GRIA2: variants seen among roughly 807,000 people sequenced by gnomAD.
GRIA2 encodes glutamate receptor 2.
GRIA2 carries 14 observed loss-of-function variants against 97.3 expected under a neutral mutation model. That is an observed-to-expected ratio of 0.14 (90% CI 0.10 to 0.23). The LOEUF is 0.23. Among genes scored for constraint, GRIA2 ranks in the 10% least tolerant of loss-of-function variants. The pLI is 1.00. For missense variants in GRIA2, 558 were observed against 1,069.8 expected (o/e 0.52, Z 6.67); for synonymous variants, 412 against 387.8 (o/e 1.06, Z -0.73).
At chr4:157,274,200 C>A (rs1732170353) in intron 2 of GRIA2, among the ~76,000 whole-genome samples, 1 of 151,674 alleles carries the variant, frequency 6.6e-6, no homozygotes, top group African/African-American at 2.4e-5. Context: ...TGCCGGTAGA[C>A]CTACCTTGCA....
intron 5 of GRIA2, among the ~76,000 whole-genome samples, chr4:157,320,090 A>G (rs1300021856): frequency 1.3e-5 from 2 of 152,136 alleles, no homozygotes; most frequent in Non-Finnish European, 2.9e-5. Context: ...TAGGCATGAA[A>G]TGTTTTCATG....
intron 2 of GRIA2, among the ~76,000 whole-genome samples, chr4:157,294,525 C>T (rs1303985075): frequency 6.6e-6 from 1 of 151,454 alleles, no homozygotes; most frequent in Non-Finnish European, 1.5e-5. Context: ...AAATGTAAAA[C>T]AAAGAGGAAG....
intron 2 of GRIA2, among the ~76,000 whole-genome samples, chr4:157,244,029 G>C (rs1730622834): frequency 6.6e-6 from 1 of 151,948 alleles, no homozygotes; most frequent in East Asian, 1.9e-4. Flanking sequence ...CAATATGTTA[G>C]GTAGGCTGAG....
At chr4:157,309,232 A>G (rs1352975877) in intron 3 of GRIA2, among the ~76,000 whole-genome samples, 2 of 152,110 alleles carry the variant, frequency 1.3e-5, no homozygotes, top group African/African-American at 2.4e-5. Context: ...TAGGTTCCAT[A>G]GGTTACAAAA....
At chr4:157,242,008 G>C (rs1364894224) in intron 2 of GRIA2, among the ~76,000 whole-genome samples, 1 of 151,914 alleles carries the variant, frequency 6.6e-6, no homozygotes, top group Non-Finnish European at 1.5e-5. Flanking sequence ...ATTATAAGTT[G>C]CTTTTCTTTT....
At chr4:157,338,006 GTGTA>G (rs1735367844) in intron 11 of GRIA2, among the ~76,000 whole-genome samples, 3 of 59,860 alleles carry the variant, frequency 5.0e-5, no homozygotes, top group Admixed American at 2.0e-4. Flanking sequence ...GTATATATAT[GTGTA>G]TATATATATA....
intron 2 of GRIA2, among the ~76,000 whole-genome samples, chr4:157,264,454 T>G (rs2126775796): frequency 6.6e-6 from 1 of 152,208 alleles, no homozygotes; most frequent in Non-Finnish European, 1.5e-5. Context: ...ACTCTCCTTC[T>G]TTTGAATTCC....
At chr4:157,247,742 A>C (rs1232669872) in intron 2 of GRIA2, among the ~76,000 whole-genome samples, 1 of 152,058 alleles carries the variant, frequency 6.6e-6, no homozygotes, top group East Asian at 1.9e-4. Context: ...TACAGCTCTG[A>C]CTTAAAGGGA....
In GRIA2 at chr4:157,220,742, G is replaced by T. The variant is rs1057143873; in HGVS notation, c.-301G>T. ...CGAGAGAGGGTGAGTGTGTGTGAGT[G>T]CATGGGAGGGTGCTGAATATTCCGA... On this transcript the variant is annotated 5_prime_UTR_variant, in exon 1 of 16. Transcript: ENST00000264426. The T allele has an allele frequency of 1.2e-4, 56 of 464,914 alleles. No homozygotes were observed. The Admixed American group carries it at 1.9e-3, about 16-fold the overall frequency. 28.8% of individuals were successfully genotyped at this position (464,914 alleles called of 1,614,324 possible).
chr4:157,290,600 T>A (rs1733052790), intron 2 of GRIA2, among the ~76,000 whole-genome samples: 1 of 151,728 alleles, frequency 6.6e-6, no homozygotes, highest in Admixed American at 6.6e-5. Context: ...CATATTTTAG[T>A]TTTCCTAACT....
intron 6 of GRIA2, among the ~76,000 whole-genome samples, chr4:157,323,064 A>C (rs930061467): frequency 6.6e-6 from 1 of 152,008 alleles, no homozygotes; most frequent in African/African-American, 2.4e-5. Flanking sequence ...GGCCGGGCGC[A>C]GTGGCTCACG....
At chr4:157,279,361 T>G (rs1429850615) in intron 2 of GRIA2, among the ~76,000 whole-genome samples, 3 of 152,164 alleles carry the variant, frequency 2.0e-5, no homozygotes, top group African/African-American at 7.2e-5. Context: ...ACATTCTGTG[T>G]GATTCCAATT....
intron 2 of GRIA2, among the ~76,000 whole-genome samples, chr4:157,301,677 A>AT (rs1440053972): frequency 1.3e-5 from 2 of 152,194 alleles, no homozygotes; most frequent in African/African-American, 2.4e-5. Context: ...AAACAAATCT[A>AT]TTTTTTCTAC....
At chr4:157,281,872 T>TGA (rs1732614924) in intron 2 of GRIA2, among the ~76,000 whole-genome samples, 2 of 152,120 alleles carry the variant, frequency 1.3e-5, no homozygotes, top group African/African-American at 4.8e-5. Flanking sequence ...ACTTGCAAAT[T>TGA]GAACAGGTCT....
At position 157,360,256 on chromosome 4, in the gene GRIA2, C is replaced by G. The variant is rs961330689; in HGVS notation, c.2291+113C>G. On this transcript the variant is annotated intron_variant, in intron 13 of 15. Transcript: ENST00000264426. ...ATACGGATATGAGGTAACTCACCAT[C>G]ACAAAAATGACCAAAAAACGTTTCT... 1.5e-5 allele frequency: 16 copies of G among 1,064,856 alleles called. No individual in the cohort carries two copies. The African/African-American group carries it at 2.6e-4, about 17-fold the overall frequency. 66.0% of individuals were successfully genotyped at this position (1,064,856 alleles called of 1,614,324 possible).
chr4:157,326,035 A>G (rs986242925), intron 6 of GRIA2, among the ~76,000 whole-genome samples: 6 of 152,116 alleles, frequency 3.9e-5, no homozygotes, highest in African/African-American at 1.2e-4. Flanking sequence ...CCTGTCACCC[A>G]GTCCCATGGA....
intron 11 of GRIA2, 112 bp from the exon 12 acceptor site, chr4:157,341,152 A>G: frequency 1.3e-6 from 1 of 746,570 alleles, no homozygotes; most frequent in South Asian, 1.7e-5. Flanking sequence ...TACATTGAAA[A>G]ATATAAAATT....
At position 157,365,199 on chromosome 4, in the gene GRIA2, G is replaced by A. The variant is rs976517641; in HGVS notation, c.*1768G>A. On this transcript the variant is annotated 3_prime_UTR_variant, in exon 16 of 16. Transcript: ENST00000264426. Reference sequence around the variant, plus strand: ...ACAGTAAGCACTTGCATTGAACATGGAGGCATGTGGTATCATGATATTCTT... The same window carrying A: ...ACAGTAAGCACTTGCATTGAACATGAAGGCATGTGGTATCATGATATTCTT... 6.6e-6 allele frequency: 1 copy of A among 151,612 alleles called. No individual in the cohort carries two copies. The highest frequency in any genetic ancestry group is 2.4e-5 in the African/African-American group (1 of 41,390). The allele number at this position is 151,612 out of a possible 1,614,324, so 9.4% of individuals were successfully genotyped here. A position where few individuals can be genotyped will look rare whatever the true frequency, so the allele number is the denominator to read the frequency against.
intron 12 of GRIA2, among the ~76,000 whole-genome samples, chr4:157,341,853 C>T (rs1405823952): frequency 6.6e-6 from 1 of 152,122 alleles, no homozygotes; most frequent in East Asian, 1.9e-4. Flanking sequence ...GAAAAACTCA[C>T]ATTCAAACCA....
Sources: allele counts gnomAD v4.1 joint callset (sites outside exome capture counted in the v4.1 genomes callset), GRCh38; gene constraint gnomAD v4.1.1; transcripts MANE v1.5; gene names NCBI Gene and HGNC (gene_info 2026-07-23, HGNC 2026-07-21).